Variants in ELF2 observed in about 807,000 individuals in gnomAD.
The protein encoded by ELF2 is E74 like ETS transcription factor 2.
A neutral mutation model predicts 54.8 loss-of-function variants in ELF2; 11 were observed. That is an observed-to-expected ratio of 0.20 (90% CI 0.13 to 0.33). The LOEUF (loss-of-function observed/expected upper bound fraction) is 0.33. ELF2 is among the 10% of genes least tolerant of loss of function. The pLI is 1.00. For synonymous variants in ELF2, 203 were observed against 245.1 expected, an observed-to-expected ratio of 0.83 and a Z score of 1.61; for missense variants, 513 against 703.0, an observed-to-expected ratio of 0.73 and a Z score of 3.06.
intron 4 of ELF2, among the ~76,000 whole-genome samples, chr4:139,083,642 G>A (rs1230935774): frequency 1.3e-5 from 2 of 152,214 alleles, no homozygotes; most frequent in African/African-American, 2.4e-5. Context: ...GAAGTCTGAA[G>A]GGAGAACCGA....
At chr4:139,076,367 TTAAGTA>T (rs1017002475) in intron 4 of ELF2, among the ~76,000 whole-genome samples, 2 of 152,174 alleles carry the variant, frequency 1.3e-5, no homozygotes, top group Non-Finnish European at 2.9e-5. Context: ...CTTAGCATTA[TTAAGTA>T]TAAGACATAT....
At chr4:139,170,368 G>C (rs527897019) in intron 1 of ELF2, among the ~76,000 whole-genome samples, 5 of 143,260 alleles carry the variant, frequency 3.5e-5, no homozygotes, top group African/African-American at 1.0e-4. Flanking sequence ...GGGTTCAAGC[G>C]ATTCTCTGTC....
chr4:139,103,117 T>A (rs1326151673), intron 4 of ELF2, among the ~76,000 whole-genome samples: 1 of 152,188 alleles, frequency 6.6e-6, no homozygotes, highest in Non-Finnish European at 1.5e-5. Context: ...ATGTAAAACT[T>A]TCTCATGATC....
At chr4:139,117,338 A>T (rs1735826458) in intron 4 of ELF2, among the ~76,000 whole-genome samples, 2 of 152,220 alleles carry the variant, frequency 1.3e-5, no homozygotes, top group African/African-American at 4.8e-5. Flanking sequence ...CCTTGTTGGT[A>T]AGATTAGGGG....
intron 1 of ELF2, among the ~76,000 whole-genome samples, chr4:139,159,567 C>CAT (rs1740889237): frequency 6.6e-6 from 1 of 152,098 alleles, no homozygotes; most frequent in African/African-American, 2.4e-5. Context: ...ACCTTATCAG[C>CAT]ATAAGCATTG....
intron 1 of ELF2, among the ~76,000 whole-genome samples, chr4:139,158,863 G>A (rs1740810075): frequency 6.6e-6 from 1 of 152,052 alleles, no homozygotes; most frequent in Admixed American, 6.6e-5. Context: ...TAAGTTGGAG[G>A]CTGAGCTTGG....
intron 4 of ELF2, among the ~76,000 whole-genome samples, chr4:139,114,579 A>T (rs1276925936): frequency 4.0e-5 from 6 of 148,592 alleles, no homozygotes; most frequent in African/African-American, 9.9e-5. Context: ...ACACACACAC[A>T]CACACACACA....
intron 4 of ELF2, among the ~76,000 whole-genome samples, chr4:139,077,722 T>A (rs540201159): frequency 1.5e-4 from 23 of 152,316 alleles, no homozygotes; most frequent in African/African-American, 5.3e-4. Context: ...TTTGCACATT[T>A]AAGAATAAGC....
chr4:139,149,377 C>T (rs949107188), intron 1 of ELF2, among the ~76,000 whole-genome samples: 4 of 152,078 alleles, frequency 2.6e-5, no homozygotes, highest in African/African-American at 7.2e-5. Context: ...TTTGGGATGC[C>T]GAGGCAGGTG....
intron 7 of ELF2, among the ~76,000 whole-genome samples, chr4:139,063,204 G>C (rs6854575): frequency 0.043 from 6,479 of 152,196 alleles, 462 homozygotes; most frequent in African/African-American, 0.15. Flanking sequence ...GTTACAGTGA[G>C]CTGAGATCGC....
In ELF2 at chr4:139,173,160, T is replaced by C. The variant is rs78284778; in HGVS notation, c.-252+3807A>G. On this transcript the variant is annotated intron_variant, in intron 1 of 9. Transcript: ENST00000686138. Reference sequence around the variant, plus strand: ...AACTGCAAACAGGCTGGAGGGAATTTTGGAGGCAATGGAAATGTTCGAAAA... The same window carrying C: ...AACTGCAAACAGGCTGGAGGGAATTCTGGAGGCAATGGAAATGTTCGAAAA... Among the ~76,000 whole-genome samples the C allele has an allele frequency of 2.1e-4, 32 of 152,164 alleles. No homozygotes were observed. In the East Asian group the frequency reaches 6.0e-3, roughly 28 times the overall value.
intron 2 of ELF2, among the ~76,000 whole-genome samples, chr4:139,139,157 C>A (rs1175365103): frequency 6.6e-6 from 1 of 151,894 alleles, no homozygotes; most frequent in African/African-American, 2.4e-5. Context: ...TGGCAATATA[C>A]AGATATGGAA....
At chr4:139,120,517 G>A (rs905054393) in intron 4 of ELF2, among the ~76,000 whole-genome samples, 4 of 152,106 alleles carry the variant, frequency 2.6e-5, no homozygotes, top group African/African-American at 9.7e-5. Context: ...TAGCTCACCT[G>A]TAACCTCAAA....
Position 139,127,097 on chromosome 4 carries a change from T to C in ELF2, c.73-1768A>G, listed in dbSNP as rs538124521. Among the ~76,000 whole-genome samples the C allele has an allele frequency of 1.9e-4, 29 of 152,328 alleles. 1 individual carries two copies. Among genetic ancestry groups the C allele is most frequent in the Admixed American group, 8.5e-4 (13 of 15,300 alleles). On this transcript the variant is annotated intron_variant, in intron 3 of 9. Coordinates refer to ENST00000686138, the MANE Select transcript of ELF2 (RefSeq NM_001331036.3). Reference sequence around the variant, plus strand: ...CAGATCAGTCTGTTCTAGATTTTTATTGACATTTGGCTTACCTTCATGTAC... The same window carrying C: ...CAGATCAGTCTGTTCTAGATTTTTACTGACATTTGGCTTACCTTCATGTAC...
intron 4 of ELF2, among the ~76,000 whole-genome samples, chr4:139,074,616 C>T (rs890630272): frequency 1.3e-5 from 2 of 151,588 alleles, no homozygotes; most frequent in South Asian, 2.1e-4. Flanking sequence ...AAAAATTAGC[C>T]GGGCGTGGTG....
chr4:139,162,914 C>T (rs1741317914), intron 1 of ELF2, among the ~76,000 whole-genome samples: 1 of 152,000 alleles, frequency 6.6e-6, no homozygotes, highest in Non-Finnish European at 1.5e-5. Context: ...CTGAGCAACA[C>T]GGCAAGACTC....
intron 4 of ELF2, among the ~76,000 whole-genome samples, chr4:139,075,525 G>T (rs1320212989): frequency 6.6e-6 from 1 of 152,178 alleles, no homozygotes; most frequent in Non-Finnish European, 1.5e-5. Flanking sequence ...CACCTCTCAG[G>T]TTCAAGCGAT....
intron 4 of ELF2, 190 bp from the exon 5 acceptor site, chr4:139,073,757 T>C: frequency 3.1e-6 from 1 of 324,746 alleles, no homozygotes; most frequent in Non-Finnish European, 5.5e-6. Context: ...TTTAAAAAGC[T>C]AATATCTACA....
chr4:139,073,318 C>A, intron 5 of ELF2, 136 bp downstream of exon 5: 2 of 457,616 alleles, frequency 4.4e-6, no homozygotes, highest in East Asian at 3.5e-5. Flanking sequence ...AGTTCAATTA[C>A]TGCTGTCATG....
Sources: allele counts gnomAD v4.1 joint callset (sites outside exome capture counted in the v4.1 genomes callset), GRCh38; gene constraint gnomAD v4.1.1; transcripts MANE v1.5; gene names NCBI Gene and HGNC (gene_info 2026-07-23, HGNC 2026-07-21).